UBQLN1: variants seen among roughly 807,000 people sequenced by gnomAD.
The protein encoded by UBQLN1 is ubiquilin 1.
UBQLN1 carries 13 observed loss-of-function variants against 65.4 expected under a neutral mutation model. The ratio of observed to expected loss-of-function variants is 0.20; its 90% CI spans 0.13 to 0.32. UBQLN1 has a LOEUF of 0.32. UBQLN1 is among the 10% of genes least tolerant of loss of function. The probability of loss-of-function intolerance (pLI) is 1.00; values close to 1 mark genes in which losing one functional copy is unlikely to be tolerated. For missense variants in UBQLN1, 561 were observed against 724.0 expected (o/e 0.77, Z 2.58); for synonymous variants, 267 against 247.8 (o/e 1.08, Z -0.73).
At chr9:83,662,055 A>G in intron 10 of UBQLN1, 116 bp from the exon 11 acceptor site, 1 of 865,182 alleles carries the variant, frequency 1.2e-6, no homozygotes. Context: ...CTGAGCTTTA[A>G]AAACACTGCC....
At chr9:83,673,270 G>A (rs1831765082) in intron 6 of UBQLN1, among the ~76,000 whole-genome samples, 2 of 151,582 alleles carry the variant, frequency 1.3e-5, no homozygotes, top group African/African-American at 4.9e-5. Flanking sequence ...CGGGTGCAGT[G>A]ACTTACACCT....
At chr9:83,676,033 T>A (rs1038271246) in intron 6 of UBQLN1, among the ~76,000 whole-genome samples, 1 of 152,200 alleles carries the variant, frequency 6.6e-6, no homozygotes, top group African/African-American at 2.4e-5. Flanking sequence ...TGAAGTATTA[T>A]CTGACCCTTC....
intron 3 of UBQLN1, among the ~76,000 whole-genome samples, chr9:83,680,781 G>A (rs1831926871): frequency 6.6e-6 from 1 of 152,172 alleles, no homozygotes; most frequent in African/African-American, 2.4e-5. Context: ...TATTGAACCT[G>A]AGGAGGAGGT....
intron 2 of UBQLN1, among the ~76,000 whole-genome samples, chr9:83,685,080 G>A (rs1040579393): frequency 6.6e-6 from 1 of 152,134 alleles, no homozygotes; most frequent in Non-Finnish European, 1.5e-5. Context: ...CACATTAAGT[G>A]TCTTCAAAAT....
At chr9:83,697,545 C>G in intron 1 of UBQLN1, among the ~76,000 whole-genome samples, 1 of 85,932 alleles carries the variant, frequency 1.2e-5, no homozygotes, top group Non-Finnish European at 2.0e-5. Context: ...GTGCAAGACA[C>G]TGTCTCAAAA....
At chr9:83,671,443 T>C (rs1831728562) in intron 6 of UBQLN1, among the ~76,000 whole-genome samples, 1 of 152,126 alleles carries the variant, frequency 6.6e-6, no homozygotes, top group Non-Finnish European at 1.5e-5. Context: ...AAAGTGCTCC[T>C]TGATCCATGG....
In UBQLN1 at chr9:83,677,729, C is replaced by T; in HGVS notation, c.1103G>A (p.Gly368Glu). 6.2e-7 allele frequency: 1 copy of T among 1,611,032 alleles called. No homozygotes were observed. The highest frequency in any genetic ancestry group is 1.7e-5 in the Admixed American group (1 of 59,880). Residue 368 changes from glycine (G) to glutamate (E), a missense_variant and splice_region_variant, in exon 6 of 11, where the codon GGA (glycine) becomes GAA (glutamate). This residue lies in a region of UBQLN1 where 102 missense variants were observed against 150.7 expected (regional missense o/e 0.68). Coordinates refer to ENST00000376395, the MANE Select transcript of UBQLN1 (RefSeq NM_013438.5). ...TTAPNLVPGV[G>E]ASMFNTPGMQ... ...AGCCTGAGTTGTTAAAAGCATACCT[C>T]CTACTCCAGGCACCAAATTTGGCGC...
At chr9:83,707,278 GCATCAGC>G (rs1458874026) in intron 1 of UBQLN1, among the ~76,000 whole-genome samples, 2 of 152,152 alleles carry the variant, frequency 1.3e-5, no homozygotes, top group Non-Finnish European at 2.9e-5. Flanking sequence ...GAGAAAAGCG[GCATCAGC>G]CCGTCCCACA....
intron 1 of UBQLN1, among the ~76,000 whole-genome samples, chr9:83,693,147 C>T (rs933516385): frequency 6.6e-6 from 1 of 152,292 alleles, no homozygotes. Context: ...TTCTCAACAA[C>T]CATAAGAATC....
At chr9:83,685,857 A>T in intron 2 of UBQLN1, 147 bp downstream of exon 2, 1 of 666,078 alleles carries the variant, frequency 1.5e-6, no homozygotes, top group Non-Finnish European at 2.4e-6. Context: ...CACACTTTTT[A>T]AAAAAATTGT....
At chr9:83,688,539 T>C (rs1199714088) in intron 1 of UBQLN1, among the ~76,000 whole-genome samples, 8 of 151,942 alleles carry the variant, frequency 5.3e-5, no homozygotes, top group Admixed American at 5.3e-4. Flanking sequence ...TTTATTGTAT[T>C]TTAGGATTTG....
chr9:83,691,095 G>A (rs558176203), intron 1 of UBQLN1, among the ~76,000 whole-genome samples: 52 of 151,952 alleles, frequency 3.4e-4, no homozygotes, highest in Admixed American at 2.9e-3. Context: ...CCAAAATCGC[G>A]CCACTGCACT....
At chr9:83,701,622 T>C (rs1018906672) in intron 1 of UBQLN1, among the ~76,000 whole-genome samples, 5 of 152,136 alleles carry the variant, frequency 3.3e-5, no homozygotes, top group Admixed American at 6.5e-5. Flanking sequence ...CACAGTAAGA[T>C]ACCATTTCAC....
At chr9:83,664,246 T>C (rs1384243082) in intron 9 of UBQLN1, among the ~76,000 whole-genome samples, 3 of 152,046 alleles carry the variant, frequency 2.0e-5, no homozygotes, top group Admixed American at 2.0e-4. Context: ...TGAGACTTCA[T>C]CTCTACAAAA....
chr9:83,690,710 G>A (rs1444464172), intron 1 of UBQLN1, among the ~76,000 whole-genome samples: 1 of 150,350 alleles, frequency 6.7e-6, no homozygotes, highest in Non-Finnish European at 1.5e-5. Flanking sequence ...CTCCAGCTTG[G>A]TCAACAGCTT....
chr9:83,663,206 G>GAA (rs981066877), intron 10 of UBQLN1, among the ~76,000 whole-genome samples: 5 of 151,918 alleles, frequency 3.3e-5, no homozygotes, highest in African/African-American at 9.7e-5. Context: ...AAAGAAAAAA[G>GAA]AAACCCAGAA....
rs779737724 is a variant in UBQLN1 at position 83,669,337 on chromosome 9, T to A, written c.1106-10A>T. The A allele has an allele frequency of 1.3e-6, 2 of 1,574,750 alleles. No homozygotes were observed. Among genetic ancestry groups the A allele is most frequent in the African/African-American group, 2.8e-5 (2 of 72,310 alleles). The stretch of plus-strand genomic sequence containing the variant: ...GTGTTGAACATACTAGCTGAAAGTT[T>A]GTTTTTAAAAAAGACATATTAAGGA... On this transcript the variant is annotated splice_polypyrimidine_tract_variant and intron_variant, in intron 6 of 10. Transcript: ENST00000376395.
intron 1 of UBQLN1, among the ~76,000 whole-genome samples, chr9:83,702,619 CATAAT>C (rs1399437286): frequency 2.6e-5 from 4 of 152,168 alleles, no homozygotes; most frequent in Admixed American, 2.6e-4. Context: ...TATTTCAATA[CATAAT>C]ATATCAAAAG....
At chr9:83,680,100 T>C in intron 3 of UBQLN1, 63 bp from the exon 4 acceptor site, 1 of 1,516,502 alleles carries the variant, frequency 6.6e-7, no homozygotes, top group Non-Finnish European at 8.9e-7. Flanking sequence ...TAACATGACA[T>C]AAAATATGAA....
Sources: gnomAD v4.1 joint callset for allele counts (sites outside exome capture counted in the v4.1 genomes callset) on GRCh38, gnomAD v4.1.1 for gene constraint, gnomAD v4.1.1 regional missense constraint, MANE v1.5 for transcripts, NCBI Gene and HGNC (gene_info 2026-07-23, HGNC 2026-07-21) for gene names.